CA5A: variants seen among roughly 807,000 people sequenced by gnomAD.
The protein encoded by CA5A is carbonic anhydrase 5A, mitochondrial.
Under a neutral mutation model 37.1 loss-of-function variants are expected in CA5A, and 28 were observed. The observed-to-expected ratio is 0.75, with a 90% CI of 0.56 to 1.03. CA5A has a LOEUF of 1.03. CA5A is among the 50% of genes least tolerant of loss of function. The pLI is 0.00. For missense variants in CA5A, 444 were observed against 399.9 expected, an observed-to-expected ratio of 1.11 and a Z score of -0.94; for synonymous variants, 171 against 158.4, an observed-to-expected ratio of 1.08 and a Z score of -0.60.
chr16:87,915,681 C>G (rs1173325457), intron 2 of CA5A, among the ~76,000 whole-genome samples: 1 of 119,324 alleles, frequency 8.4e-6, no homozygotes, highest in East Asian at 2.4e-4. Context: ...AGAGCAAGAT[C>G]CTGTCTCCAA....
intron 5 of CA5A, chr16:87,892,287 A>G (rs2055728869): frequency 5.7e-6 from 1 of 175,914 alleles, no homozygotes; most frequent in Non-Finnish European, 1.2e-5. Context: ...AGGCGGGTGC[A>G]TCACTTGAGG....
intron 1 of CA5A, among the ~76,000 whole-genome samples, chr16:87,936,004 C>G (rs540231775): frequency 1.4e-4 from 21 of 152,052 alleles, no homozygotes; most frequent in African/African-American, 4.8e-4. Flanking sequence ...AACCCTGTCT[C>G]TACTAAAAAT....
At chr16:87,899,919 CAAAAAAAAAAAAAAA>C (rs565557401) in intron 5 of CA5A, among the ~76,000 whole-genome samples, 15,574 of 47,628 alleles carry the variant, frequency 0.33, 1,571 homozygotes, top group South Asian at 0.46. Context: ...GATTTTATCT[CAAAAAAAAAAAAAAA>C]AAAAAAAAAA....
intron 2 of CA5A, among the ~76,000 whole-genome samples, chr16:87,923,143 C>T (rs1236183190): frequency 6.6e-6 from 1 of 152,182 alleles, no homozygotes; most frequent in Non-Finnish European, 1.5e-5. Flanking sequence ...TCCCGCAATA[C>T]TCTCTCTAGT....
At chr16:87,933,655 G>A (rs974152549) in intron 1 of CA5A, among the ~76,000 whole-genome samples, 5 of 152,090 alleles carry the variant, frequency 3.3e-5, no homozygotes, top group African/African-American at 9.7e-5. Flanking sequence ...AACAGTGCTG[G>A]GATTACAGGT....
intron 1 of CA5A, among the ~76,000 whole-genome samples, chr16:87,933,258 A>G (rs1171930929): frequency 6.6e-6 from 1 of 152,224 alleles, no homozygotes; most frequent in Non-Finnish European, 1.5e-5. Flanking sequence ...CTGTGGTGTA[A>G]ATACTTTCAC....
intron 1 of CA5A, 40 bp from the exon 2 acceptor site, chr16:87,926,985 CTTCAT>C (rs755725583): frequency 1.5e-6 from 2 of 1,343,868 alleles, no homozygotes; most frequent in African/African-American, 2.9e-5. Flanking sequence ...GAGGCATGAG[CTTCAT>C]CCTGTGTCTT....
chr16:87,925,379 G>A (rs1490035065), intron 2 of CA5A, among the ~76,000 whole-genome samples: 3 of 152,162 alleles, frequency 2.0e-5, no homozygotes, highest in Non-Finnish European at 2.9e-5. Flanking sequence ...CGGACAGGAC[G>A]GACTTAATTC....
At chr16:87,936,171 T>TA (rs57177923) in intron 1 of CA5A, 138 bp downstream of exon 1, 72,745 of 431,764 alleles carry the variant, frequency 0.17, 1,036 homozygotes, top group East Asian at 0.23. Flanking sequence ...GACGCCATCT[T>TA]AAAAAAAAAA....
intron 2 of CA5A, among the ~76,000 whole-genome samples, chr16:87,920,203 C>T (rs2056211191): frequency 6.6e-6 from 1 of 152,202 alleles, no homozygotes; most frequent in African/African-American, 2.4e-5. Flanking sequence ...TCACCTGCAG[C>T]CAAATTACAT....
At chr16:87,885,982 C>T (rs898664760), downstream of CA5A, 56 of 152,010 alleles carry the variant, frequency 3.7e-4, 1 homozygote, top group Non-Finnish European at 5.9e-5. Context: ...GAGCCTGCCA[C>T]GTAATTGGCA....
At chr16:87,930,651 G>T (rs543604171) in intron 1 of CA5A, among the ~76,000 whole-genome samples, 15 of 152,120 alleles carry the variant, frequency 9.9e-5, no homozygotes, top group Non-Finnish European at 1.6e-4. Flanking sequence ...GCGGCGTGGG[G>T]ACAGCACAGG....
At chr16:87,909,824 G>A (rs916424788) in intron 2 of CA5A, among the ~76,000 whole-genome samples, 1 of 152,216 alleles carries the variant, frequency 6.6e-6, no homozygotes, top group Non-Finnish European at 1.5e-5. Context: ...CTGGAAAGCC[G>A]TGTTTCGTTA....
intron 2 of CA5A, among the ~76,000 whole-genome samples, chr16:87,906,811 A>C (rs2055968097): frequency 1.3e-5 from 2 of 152,192 alleles, no homozygotes; most frequent in African/African-American, 4.8e-5. Context: ...TCTAGTTTTA[A>C]AATTCTACCA....
At chr16:87,913,463 T>C (rs557292354) in intron 2 of CA5A, among the ~76,000 whole-genome samples, 1 of 152,222 alleles carries the variant, frequency 6.6e-6, no homozygotes, top group South Asian at 2.1e-4. Context: ...CTAATTTTTT[T>C]TACAAGACCA....
intron 5 of CA5A, among the ~76,000 whole-genome samples, chr16:87,898,470 T>C (rs1340101613): frequency 6.6e-6 from 1 of 152,216 alleles, no homozygotes; most frequent in Non-Finnish European, 1.5e-5. Flanking sequence ...TAAAATTTCA[T>C]GGGCTCCCAG....
chr16:87,888,273 C>T lies in CA5A; in HGVS notation c.775-1G>A. The T allele has an allele frequency of 6.2e-7, 1 of 1,611,944 alleles. No homozygotes were observed. The highest frequency in any genetic ancestry group is 1.7e-5 in the Admixed American group (1 of 59,842). ...ACAGGAGAGTACGAAATGCAGAGAGCTGGAATAGAGGGCAGCCAGGGTGAG... is the reference window on the plus strand; with the variant it reads ...ACAGGAGAGTACGAAATGCAGAGAGTTGGAATAGAGGGCAGCCAGGGTGAG... On this transcript the variant is annotated splice_acceptor_variant, in intron 6 of 6. Transcript: ENST00000649794. LOFTEE classifies it high-confidence loss of function.
intron 2 of CA5A, among the ~76,000 whole-genome samples, chr16:87,908,618 C>A (rs1419418208): frequency 6.6e-6 from 1 of 152,164 alleles, no homozygotes; most frequent in African/African-American, 2.4e-5. Flanking sequence ...TGTGGCCAAC[C>A]AACAAGGGCC....
At chr16:87,916,149 CAG>C (rs1435366185) in intron 2 of CA5A, among the ~76,000 whole-genome samples, 1 of 139,318 alleles carries the variant, frequency 7.2e-6, no homozygotes, top group African/African-American at 3.0e-5. Context: ...GCCTGGGTGA[CAG>C]AGCAAGACTC....
Sources: allele counts gnomAD v4.1 joint callset (sites outside exome capture counted in the v4.1 genomes callset), GRCh38; gene constraint gnomAD v4.1.1; transcripts MANE v1.5; gene names NCBI Gene and HGNC (gene_info 2026-07-23, HGNC 2026-07-21).